IQUB: variants seen among roughly 807,000 people sequenced by gnomAD.
IQUB encodes IQ motif and ubiquitin domain containing, also known as IQ motif and ubiquitin-like domain-containing protein.
In IQUB, 86 loss-of-function variants were observed where a neutral mutation model predicts 86.4. That is an observed-to-expected ratio of 1.00 (90% confidence interval 0.84 to 1.19). The LOEUF is 1.19. Ranked by LOEUF, IQUB falls within the 50% of genes most tolerant of loss-of-function variation. The probability of loss-of-function intolerance (pLI) is 0.00; values close to 1 mark genes in which losing one functional copy is unlikely to be tolerated. For synonymous variants in IQUB, 289 were observed against 304.5 expected (o/e 0.95, Z 0.53); for missense variants, 946 against 916.9 (o/e 1.03, Z -0.41).
At chr7:123,480,450 T>G (rs1444776441) in intron 7 of IQUB, among the ~76,000 whole-genome samples, 1 of 152,126 alleles carries the variant, frequency 6.6e-6, no homozygotes, top group Non-Finnish European at 1.5e-5. Context: ...AGAGCCTGAC[T>G]ATATGTGCCC....
At chr7:123,470,196 C>T (rs1388683924) in intron 8 of IQUB, among the ~76,000 whole-genome samples, 1 of 152,202 alleles carries the variant, frequency 6.6e-6, no homozygotes, top group Non-Finnish European at 1.5e-5. Context: ...GCCACTGCTT[C>T]TGTTCCCTCT....
intron 1 of IQUB, among the ~76,000 whole-genome samples, chr7:123,516,232 A>C (rs1005805680): frequency 6.6e-6 from 1 of 152,216 alleles, no homozygotes; most frequent in Non-Finnish European, 1.5e-5. Flanking sequence ...CCCAGATGTA[A>C]GGTCAGTAGT....
intron 12 of IQUB, chr7:123,456,824 C>A (rs1427829720): frequency 1.3e-5 from 2 of 152,162 alleles, no homozygotes; most frequent in Admixed American, 6.6e-5. Context: ...GCTCCACTCC[C>A]AGCAAGTTGG....
intron 8 of IQUB, 32 bp downstream of exon 8, chr7:123,479,763 A>T: frequency 1.3e-6 from 2 of 1,496,766 alleles, no homozygotes; most frequent in Non-Finnish European, 9.2e-7. Context: ...CTCAGAATAC[A>T]TTCATATTTA....
At chr7:123,455,760 A>C (rs1253185461) in intron 12 of IQUB, among the ~76,000 whole-genome samples, 1 of 152,074 alleles carries the variant, frequency 6.6e-6, no homozygotes, top group Non-Finnish European at 1.5e-5. Flanking sequence ...TATGAAGCAA[A>C]GAGGGAAGGT....
At chr7:123,507,289 A>G (rs546704974) in intron 3 of IQUB, among the ~76,000 whole-genome samples, 63 of 152,210 alleles carry the variant, frequency 4.1e-4, no homozygotes, top group Non-Finnish European at 7.8e-4. Context: ...GCAATAAATT[A>G]CATGAGATAT....
intron 1 of IQUB, among the ~76,000 whole-genome samples, chr7:123,533,603 C>T (rs1797640213): frequency 6.6e-6 from 1 of 152,118 alleles, no homozygotes. Context: ...AACATAAATA[C>T]ATAAATTCAT....
At chr7:123,518,658 G>A (rs559799903) in intron 1 of IQUB, among the ~76,000 whole-genome samples, 25 of 152,210 alleles carry the variant, frequency 1.6e-4, no homozygotes, top group South Asian at 1.5e-3. Flanking sequence ...ACAGTGGTGC[G>A]ATCTCAGCTC....
At chr7:123,494,991 T>C (rs769194552) in intron 7 of IQUB, among the ~76,000 whole-genome samples, 38 of 152,148 alleles carry the variant, frequency 2.5e-4, no homozygotes, top group Non-Finnish European at 5.3e-4. Context: ...TTAACAGAGC[T>C]CTGCTCTAAC....
intron 1 of IQUB, among the ~76,000 whole-genome samples, chr7:123,525,475 T>C (rs1250903517): frequency 6.6e-6 from 1 of 152,194 alleles, no homozygotes; most frequent in African/African-American, 2.4e-5. Flanking sequence ...CTAGATTTTC[T>C]AGTTTATTTG....
intron 7 of IQUB, among the ~76,000 whole-genome samples, chr7:123,481,597 A>G (rs1051963532): frequency 6.6e-6 from 1 of 152,154 alleles, no homozygotes; most frequent in African/African-American, 2.4e-5. Context: ...TCAAAAAGGC[A>G]CACAAATGTT....
chr7:123,502,732 ATTTT>A lies in IQUB; in HGVS notation c.884_887del (p.Lys295IlefsTer13), dbSNP rs776183033. On this transcript the variant is annotated frameshift_variant, in exon 6 of 13. Coordinates refer to ENST00000324698, the MANE Select transcript of IQUB (RefSeq NM_178827.5). LOFTEE classifies it high-confidence loss of function. Reference sequence around the variant, plus strand: ...ATGTTGTATTTGTAGTTTGTTGGAGATTTTTTTTCTGAAAAACTGTCTAAAAGAA... The same window carrying A: ...ATGTTGTATTTGTAGTTTGTTGGAGATTTTCTGAAAAACTGTCTAAAAGAA... The A allele has an allele frequency of 6.2e-7, 1 of 1,601,734 alleles. No individual in the cohort carries two copies. Among genetic ancestry groups the A allele is most frequent in the African/African-American group, 1.4e-5 (1 of 74,026 alleles).
At chr7:123,508,128 G>C (rs1410449207) in intron 3 of IQUB, among the ~76,000 whole-genome samples, 2 of 152,130 alleles carry the variant, frequency 1.3e-5, no homozygotes, top group African/African-American at 2.4e-5. Flanking sequence ...AAGGCCATAT[G>C]ACAGAAGCAG....
chr7:123,512,267 T>A lies in IQUB; in HGVS notation c.74A>T (p.Asp25Val). 6.2e-7 allele frequency: 1 copy of A among 1,611,724 alleles called. No individual in the cohort carries two copies. The highest frequency in any genetic ancestry group is 8.5e-7 in the Non-Finnish European group (1 of 1,177,970). ...NSTEESDDAF[D>V]TVTIPVPSEE... Reference sequence around the variant, plus strand: ...TGAGGGAACTGGAATAGTGACAGTATCAAAAGCATCATCACTCTCTTCTGT... The same window carrying A: ...TGAGGGAACTGGAATAGTGACAGTAACAAAAGCATCATCACTCTCTTCTGT... Residue 25 changes from aspartate (D) to valine (V), a missense_variant, in exon 2 of 13, where the codon GAT becomes GTT. Coordinates refer to ENST00000324698, the MANE Select transcript of IQUB (RefSeq NM_178827.5).
At position 123,523,664 on chromosome 7, in the gene IQUB, T is replaced by A. The variant is rs987109492; in HGVS notation, c.-5+10828A>T. Among the ~76,000 whole-genome samples, 79 of 152,004 alleles carry A rather than the reference T, an allele frequency of 5.2e-4. 1 individual carries two copies. Among genetic ancestry groups the A allele is most frequent in the African/African-American group, 1.8e-3 (75 of 41,486 alleles). ...CCCATTTTGTAGGTTGCCTGTTCAC[T>A]CTGATGGTAGTTTCTTTTGCTGTGC... On this transcript the variant is annotated intron_variant, in intron 1 of 12. Transcript: ENST00000324698.
intron 7 of IQUB, among the ~76,000 whole-genome samples, chr7:123,492,106 A>C (rs1365642579): frequency 6.6e-6 from 1 of 152,188 alleles, no homozygotes; most frequent in African/African-American, 2.4e-5. Context: ...ATGAACCAGG[A>C]AACAAACCAT....
chr7:123,530,706 C>CA (rs1293975949), intron 1 of IQUB, among the ~76,000 whole-genome samples: 2 of 69,502 alleles, frequency 2.9e-5, no homozygotes, highest in Non-Finnish European at 5.3e-5. Flanking sequence ...GATGGAGTTT[C>CA]ACTCTTTTTG....
rs539467022 is a variant in IQUB at position 123,499,681 on chromosome 7, C to T, written c.1024-2775G>A. ...AAGGTTCTTGACTTATTCATGGAAA[C>T]GATATATAGGCTGATTAGATATGCA... On this transcript the variant is annotated intron_variant, in intron 6 of 12. Coordinates refer to ENST00000324698, the MANE Select transcript of IQUB (RefSeq NM_178827.5). 4.3e-4 allele frequency among the ~76,000 whole-genome samples: 66 copies of T among 152,106 alleles called. 1 individual carries two copies. The highest frequency in any genetic ancestry group is 1.5e-3 in the African/African-American group (61 of 41,486).
chr7:123,486,354 AC>A (rs1188527085), intron 7 of IQUB, among the ~76,000 whole-genome samples: 2 of 152,054 alleles, frequency 1.3e-5, no homozygotes, highest in Admixed American at 1.3e-4. Flanking sequence ...AATCCTGCAC[AC>A]CCTTTGAAGC....
Sources: allele counts gnomAD v4.1 joint callset (sites outside exome capture counted in the v4.1 genomes callset), GRCh38; gene constraint gnomAD v4.1.1; transcripts MANE v1.5; gene names NCBI Gene and HGNC (gene_info 2026-07-23, HGNC 2026-07-21).